The following RANBP2 variants were observed in gnomAD, a reference collection of about 807,000 sequenced individuals.
The protein encoded by RANBP2 is RAN binding protein 2, also known as E3 SUMO-protein ligase RanBP2.
In RANBP2, 57 loss-of-function variants were observed where a neutral mutation model predicts 303.6. That is an observed-to-expected ratio of 0.19 (90% CI 0.15 to 0.23). RANBP2 has a LOEUF of 0.23. Among genes scored for constraint, RANBP2 ranks in the 10% least tolerant of loss-of-function variants. The pLI is 1.00. For missense variants in RANBP2, 3,138 were observed against 3,780.8 expected (o/e 0.83, Z 4.46); for synonymous variants, 1,167 against 1,301.5 (o/e 0.90, Z 2.23).
At chr2:109,233,303 C>T in the RANBP2 span, among the ~76,000 whole-genome samples, 1 of 152,138 alleles carries the variant, frequency 6.6e-6, no homozygotes, top group African/African-American at 2.4e-5. Flanking sequence ...GGAGGTGGCT[C>T]TCAGTGGGTT....
At chr2:109,473,878 G>T in the RANBP2 span, among the ~76,000 whole-genome samples, 2 of 152,038 alleles carry the variant, frequency 1.3e-5, no homozygotes, top group Admixed American at 6.5e-5. Context: ...CCCCTGAACC[G>T]CTCTCCTTGT....
chr2:109,371,630 G>A, the RANBP2 span: 27 of 1,613,916 alleles, frequency 1.7e-5, no homozygotes, highest in African/African-American at 1.3e-4. Context: ...AGAACTGGGC[G>A]GAAGGCATGC....
At chr2:108,722,527 G>A (rs1164692169) in intron 1 of RANBP2, among the ~76,000 whole-genome samples, 2 of 151,522 alleles carry the variant, frequency 1.3e-5, no homozygotes, top group African/African-American at 2.4e-5. Context: ...GAATGTCGGA[G>A]TTTTGGAGTG....
the RANBP2 span, among the ~76,000 whole-genome samples, chr2:108,980,480 T>C: frequency 1.3e-5 from 2 of 152,062 alleles, no homozygotes; most frequent in African/African-American, 4.8e-5. Flanking sequence ...TATATTCACA[T>C]ATATATAATA....
chr2:109,700,645 T>C, the RANBP2 span, among the ~76,000 whole-genome samples: 1 of 152,120 alleles, frequency 6.6e-6, no homozygotes, highest in Admixed American at 6.5e-5. Context: ...AGCTTGAATT[T>C]TCCTTTTAGC....
the RANBP2 span, among the ~76,000 whole-genome samples, chr2:109,305,547 A>G: frequency 6.6e-6 from 1 of 152,130 alleles, no homozygotes; most frequent in African/African-American, 2.4e-5. Flanking sequence ...TGTGGAAATT[A>G]TGCACCAGGA....
At chr2:109,444,341 A>G in the RANBP2 span, among the ~76,000 whole-genome samples, 5 of 152,244 alleles carry the variant, frequency 3.3e-5, no homozygotes, top group East Asian at 1.9e-4. Context: ...CTGTGGGTCT[A>G]TATAAAATGG....
the RANBP2 span, among the ~76,000 whole-genome samples, chr2:109,477,232 C>T: frequency 2.0e-5 from 3 of 152,220 alleles, no homozygotes; most frequent in Non-Finnish European, 1.5e-5. Context: ...CACACCCTCA[C>T]GTGGTGACTG....
chr2:108,761,003 A>G (rs995641788), intron 18 of RANBP2, among the ~76,000 whole-genome samples: 1 of 151,574 alleles, frequency 6.6e-6, no homozygotes. Flanking sequence ...TTGTCTATTC[A>G]TATGGTGCTT....
At chr2:108,979,605 G>A in the RANBP2 span, among the ~76,000 whole-genome samples, 1 of 152,106 alleles carries the variant, frequency 6.6e-6, no homozygotes, top group Non-Finnish European at 1.5e-5. Context: ...GAGCCATGCT[G>A]CTGAGGTGCA....
the RANBP2 span, among the ~76,000 whole-genome samples, chr2:109,331,538 C>T: frequency 6.6e-6 from 1 of 152,152 alleles, no homozygotes; most frequent in African/African-American, 2.4e-5. Context: ...AATTGCAACC[C>T]CCACCGCCTT....
At chr2:108,897,565 A>T in the RANBP2 span, among the ~76,000 whole-genome samples, 3 of 152,294 alleles carry the variant, frequency 2.0e-5, no homozygotes, top group Admixed American at 2.0e-4. Context: ...TTAGTTGGGT[A>T]ACCCTGTCTC....
At chr2:109,278,172 A>G in the RANBP2 span, among the ~76,000 whole-genome samples, 1 of 132,882 alleles carries the variant, frequency 7.5e-6, no homozygotes, top group South Asian at 2.6e-4. Flanking sequence ...GCAAGACCCA[A>G]TCTTAAAAAA....
chr2:109,431,470 ATATAGG>A, the RANBP2 span, among the ~76,000 whole-genome samples: 2 of 152,246 alleles, frequency 1.3e-5, no homozygotes, highest in African/African-American at 4.8e-5. Flanking sequence ...CAAGGAAAAG[ATATAGG>A]TATAGTTAAG....
At chr2:109,134,792 G>A in the RANBP2 span, among the ~76,000 whole-genome samples, 1 of 152,168 alleles carries the variant, frequency 6.6e-6, no homozygotes, top group South Asian at 2.1e-4. Context: ...CATTCACCGT[G>A]CCTCACGGCT....
At chr2:109,008,617 G>T in the RANBP2 span, among the ~76,000 whole-genome samples, 1 of 150,928 alleles carries the variant, frequency 6.6e-6, no homozygotes, top group African/African-American at 2.4e-5. Context: ...AAAATCCATG[G>T]ATAGGCTGGG....
the RANBP2 span, among the ~76,000 whole-genome samples, chr2:109,481,247 C>T: frequency 6.6e-6 from 1 of 152,224 alleles, no homozygotes; most frequent in African/African-American, 2.4e-5. Flanking sequence ...ACAGGTCTCT[C>T]TGTGCTCAAG....
At chr2:109,002,277 C>T in the RANBP2 span, among the ~76,000 whole-genome samples, 1 of 152,206 alleles carries the variant, frequency 6.6e-6, no homozygotes, top group East Asian at 1.9e-4. Flanking sequence ...GGCCAGCTGT[C>T]CACCCCTGGG....
At chr2:109,045,751 G>A in the RANBP2 span, among the ~76,000 whole-genome samples, 5 of 152,058 alleles carry the variant, frequency 3.3e-5, no homozygotes, top group Admixed American at 3.3e-4. Flanking sequence ...CGGAAAGAGG[G>A]GAGGAGGAAG....
Sources: allele counts gnomAD v4.1 joint callset (sites outside exome capture counted in the v4.1 genomes callset), GRCh38; gene constraint gnomAD v4.1.1; transcripts MANE v1.5; gene names NCBI Gene and HGNC (gene_info 2026-07-23, HGNC 2026-07-21).